Variants in CUL1 observed in about 807,000 individuals in gnomAD.
The protein encoded by CUL1 is cullin-1.
Under a neutral mutation model 118.0 loss-of-function variants are expected in CUL1, and 24 were observed. The observed-to-expected ratio is 0.20, with a 90% CI of 0.15 to 0.29. CUL1 has a LOEUF of 0.29. Among genes scored for constraint, CUL1 ranks in the 10% least tolerant of loss-of-function variants. The pLI is 1.00. For synonymous variants in CUL1, 332 were observed against 340.4 expected (o/e 0.98, Z 0.27); for missense variants, 361 against 933.8 (o/e 0.39, Z 7.99).
intron 16 of CUL1, among the ~76,000 whole-genome samples, chr7:148,791,011 A>G (rs1005434329): frequency 1.3e-5 from 2 of 152,186 alleles, no homozygotes; most frequent in African/African-American, 4.8e-5. Context: ...AATTTCAGTT[A>G]AAGTCTTTTC....
intron 2 of CUL1, among the ~76,000 whole-genome samples, chr7:148,741,350 A>G (rs1017600878): frequency 2.2e-4 from 33 of 152,208 alleles, no homozygotes; most frequent in Admixed American, 2.1e-3. Context: ...TGGCTGCATT[A>G]TATTACTTTC....
intron 1 of CUL1, among the ~76,000 whole-genome samples, chr7:148,724,005 C>G (rs1047393659): frequency 7.2e-5 from 11 of 152,320 alleles, no homozygotes; most frequent in African/African-American, 2.6e-4. Context: ...TTTAACTTCA[C>G]TAAAGCTAGT....
intron 17 of CUL1, among the ~76,000 whole-genome samples, chr7:148,793,550 G>A (rs1358921898): frequency 6.6e-6 from 1 of 152,174 alleles, no homozygotes; most frequent in Non-Finnish European, 1.5e-5. Flanking sequence ...TATAACACAT[G>A]ACTTTCTGTG....
At chr7:148,765,288 T>A (rs1715540378) in intron 7 of CUL1, among the ~76,000 whole-genome samples, 1 of 152,226 alleles carries the variant, frequency 6.6e-6, no homozygotes, top group South Asian at 2.1e-4. Context: ...GAGTATTGAT[T>A]CATTACCAGT....
intron 1 of CUL1, 54 bp from the exon 2 acceptor site, chr7:148,729,908 C>T (rs189563972): frequency 7.6e-6 from 4 of 526,860 alleles, no homozygotes; most frequent in Non-Finnish European, 1.3e-5. Flanking sequence ...GTGTGTCTCA[C>T]CTTATTACAG....
At chr7:148,788,362 TGTG>T (rs1481633406) in intron 13 of CUL1, among the ~76,000 whole-genome samples, 192 bp from the exon 14 acceptor site, 5 of 152,230 alleles carry the variant, frequency 3.3e-5, no homozygotes, top group African/African-American at 1.2e-4. Flanking sequence ...AACATAGAGT[TGTG>T]GGGTTTTTTG....
intron 6 of CUL1, 57 bp from the exon 7 acceptor site, chr7:148,760,276 T>A (rs1363222608): frequency 1.4e-6 from 2 of 1,439,070 alleles, no homozygotes; most frequent in Non-Finnish European, 1.9e-6. Flanking sequence ...AAGTATATTC[T>A]GTGAAATATA....
Position 148,741,692 on chromosome 7 carries a change from G to A in CUL1, c.140+11430G>A. ...GGCCTCAAGTGATTCTCCTGCCTCAGCCTCCCGAGTAGCTGGAACCGCAGG... is the reference window on the plus strand; with the variant it reads ...GGCCTCAAGTGATTCTCCTGCCTCAACCTCCCGAGTAGCTGGAACCGCAGG... On this transcript the variant is annotated intron_variant, in intron 2 of 21. Coordinates refer to ENST00000325222, the MANE Select transcript of CUL1 (RefSeq NM_003592.3). Among the ~76,000 whole-genome samples, 2 of 115,668 alleles carry A rather than the reference G, an allele frequency of 1.7e-5. 1 individual carries two copies. Among genetic ancestry groups the A allele is most frequent in the Non-Finnish European group, 3.5e-5 (2 of 57,826 alleles). The allele number at this position is 115,668 out of a possible 152,430, so 75.9% of individuals were successfully genotyped here. A position where few individuals can be genotyped will look rare whatever the true frequency, so the allele number is the denominator to read the frequency against.
chr7:148,725,022 A>G (rs571903138), intron 1 of CUL1, among the ~76,000 whole-genome samples: 32 of 152,248 alleles, frequency 2.1e-4, no homozygotes, highest in African/African-American at 6.0e-4. Flanking sequence ...TGATTATAAG[A>G]TATGGATATA....
chr7:148,762,065 C>T (rs1290987497), intron 7 of CUL1, among the ~76,000 whole-genome samples: 4 of 152,200 alleles, frequency 2.6e-5, no homozygotes, highest in African/African-American at 9.7e-5. Context: ...CCTAACAGGC[C>T]ACAGACCCAT....
At chr7:148,710,857 C>A (rs1373954464) in intron 1 of CUL1, among the ~76,000 whole-genome samples, 1 of 151,788 alleles carries the variant, frequency 6.6e-6, no homozygotes, top group Non-Finnish European at 1.5e-5. Flanking sequence ...TTAGTAGGGA[C>A]GGGTTTCACC....
At chr7:148,758,682 A>G (rs1168947380) in intron 4 of CUL1, among the ~76,000 whole-genome samples, 1 of 152,208 alleles carries the variant, frequency 6.6e-6, no homozygotes, top group Non-Finnish European at 1.5e-5. Context: ...GTATAGCTCC[A>G]GTTTCTATAC....
chr7:148,719,903 G>C (rs1255353664), intron 1 of CUL1, among the ~76,000 whole-genome samples: 1 of 152,158 alleles, frequency 6.6e-6, no homozygotes, highest in African/African-American at 2.4e-5. Flanking sequence ...TTCTTAAGGA[G>C]GTGGAATGAG....
chr7:148,792,861 C>A, intron 17 of CUL1, 43 bp downstream of exon 17: 2 of 1,417,076 alleles, frequency 1.4e-6, no homozygotes, highest in African/African-American at 1.4e-5. Flanking sequence ...CTTGCCGTTT[C>A]CTTGTTCTCG....
chr7:148,760,638 C>T (rs978757357), intron 7 of CUL1, 142 bp downstream of exon 7: 6 of 577,322 alleles, frequency 1.0e-5, no homozygotes, highest in Non-Finnish European at 1.8e-5. Flanking sequence ...GGTGCAAGTG[C>T]TTCTCCTAAT....
intron 17 of CUL1, among the ~76,000 whole-genome samples, chr7:148,794,140 A>G (rs1164847445): frequency 6.6e-6 from 1 of 151,892 alleles, no homozygotes; most frequent in African/African-American, 2.4e-5. Context: ...AATATTCTGT[A>G]TACTAGATCC....
chr7:148,753,401 G>C (rs1799556083), intron 2 of CUL1, among the ~76,000 whole-genome samples: 1 of 152,222 alleles, frequency 6.6e-6, no homozygotes, highest in Admixed American at 6.5e-5. Context: ...GCAATCAGCT[G>C]TCTGTGCTGT....
At chr7:148,734,890 C>G (rs1187585690) in intron 2 of CUL1, among the ~76,000 whole-genome samples, 1 of 152,166 alleles carries the variant, frequency 6.6e-6, no homozygotes, top group Non-Finnish European at 1.5e-5. Context: ...CCCTTGGAAT[C>G]AGTTTAAACT....
chr7:148,783,641 T>A (rs764201915), intron 9 of CUL1, 142 bp from the exon 10 acceptor site: 1 of 1,543,576 alleles, frequency 6.5e-7, no homozygotes, highest in East Asian at 2.4e-5. Flanking sequence ...ACCAAAAGTA[T>A]TTCTTGCTCT....
Sources: allele counts gnomAD v4.1 joint callset (sites outside exome capture counted in the v4.1 genomes callset), GRCh38; gene constraint gnomAD v4.1.1; transcripts MANE v1.5; gene names NCBI Gene and HGNC (gene_info 2026-07-23, HGNC 2026-07-21).